The following TAFA1 variants were observed in gnomAD, a reference collection of about 807,000 sequenced individuals.
The protein encoded by TAFA1 is TAFA chemokine like family member 1, also known as chemokine-like protein TAFA-1.
TAFA1 carries 4 observed loss-of-function variants against 18.5 expected under a neutral mutation model. The ratio of observed to expected loss-of-function variants is 0.22; its 90% CI spans 0.11 to 0.49. The LOEUF (loss-of-function observed/expected upper bound fraction) is 0.49. Among genes scored for constraint, TAFA1 ranks in the 20% least tolerant of loss-of-function variants. TAFA1 has a pLI of 0.98. For missense variants in TAFA1, 147 were observed against 169.0 expected (o/e 0.87, Z 0.72); for synonymous variants, 56 against 55.2 (o/e 1.01, Z -0.06).
In TAFA1 at chr3:68,403,523, A is replaced by T. The variant is rs542600389; in HGVS notation, c.119-13757A>T. The stretch of plus-strand genomic sequence containing the variant: ...GTGCACTGTCCGATTTTTATGATCC[A>T]CAAGCTAAAAATGATCTTCACCTTT... On this transcript the variant is annotated intron_variant, in intron 2 of 4. Coordinates refer to ENST00000478136, the MANE Select transcript of TAFA1 (RefSeq NM_213609.4). Among the ~76,000 whole-genome samples, 3 of 152,358 alleles carry T rather than the reference A, an allele frequency of 2.0e-5. No homozygotes were observed. The South Asian group carries it at 6.2e-4, about 32-fold the overall frequency.
At chr3:68,542,768 T>C (rs2106797302) in intron 4 of TAFA1, among the ~76,000 whole-genome samples, 1 of 152,216 alleles carries the variant, frequency 6.6e-6, no homozygotes, top group South Asian at 2.1e-4. Context: ...CAAATGGTGG[T>C]TACATTCTTT....
intron 3 of TAFA1, among the ~76,000 whole-genome samples, chr3:68,504,114 T>C (rs1253259682): frequency 6.6e-6 from 1 of 152,170 alleles, no homozygotes; most frequent in Admixed American, 6.5e-5. Context: ...TTTAGTCTTA[T>C]TTATGTATAA....
intron 3 of TAFA1, among the ~76,000 whole-genome samples, chr3:68,505,002 A>C (rs1174442644): frequency 6.6e-6 from 1 of 152,048 alleles, no homozygotes; most frequent in Non-Finnish European, 1.5e-5. Context: ...TCTTGTTGCG[A>C]GTAGGGGTGA....
At chr3:68,178,052 G>A (rs572801824) in intron 2 of TAFA1, among the ~76,000 whole-genome samples, 1 of 152,100 alleles carries the variant, frequency 6.6e-6, no homozygotes, top group African/African-American at 2.4e-5. Flanking sequence ...GCTGAGGCAG[G>A]AGAATGGCGT....
At chr3:68,408,376 TTA>T (rs1183106943) in intron 2 of TAFA1, among the ~76,000 whole-genome samples, 1 of 152,180 alleles carries the variant, frequency 6.6e-6, no homozygotes, top group Non-Finnish European at 1.5e-5. Flanking sequence ...CCTTTGTAAG[TTA>T]TGACTCGATC....
intron 2 of TAFA1, among the ~76,000 whole-genome samples, chr3:68,075,239 C>A (rs1243221946): frequency 1.3e-5 from 2 of 152,202 alleles, no homozygotes; most frequent in African/African-American, 2.4e-5. Flanking sequence ...GTAAAATAAG[C>A]TGCCTTTTGC....
At chr3:68,267,628 A>G (rs767113480) in intron 2 of TAFA1, among the ~76,000 whole-genome samples, 5 of 152,048 alleles carry the variant, frequency 3.3e-5, no homozygotes, top group African/African-American at 1.2e-4. Flanking sequence ...ATATTTCTCT[A>G]CGTCTTGAAA....
At chr3:68,200,474 T>C (rs1027397819) in intron 2 of TAFA1, among the ~76,000 whole-genome samples, 5 of 151,632 alleles carry the variant, frequency 3.3e-5, no homozygotes, top group African/African-American at 1.2e-4. Flanking sequence ...GTGCTTTCTG[T>C]TAGGGAAGCT....
chr3:68,480,268 T>A (rs181863503), intron 3 of TAFA1, among the ~76,000 whole-genome samples: 60 of 151,072 alleles, frequency 4.0e-4, no homozygotes, highest in African/African-American at 1.4e-3. Flanking sequence ...CCAGGCATGT[T>A]GGCACTCACC....
At chr3:68,426,688 C>A (rs1237505725) in intron 3 of TAFA1, among the ~76,000 whole-genome samples, 1 of 151,780 alleles carries the variant, frequency 6.6e-6, no homozygotes, top group East Asian at 1.9e-4. Context: ...ATTAGTTAGC[C>A]ACTCTTCTCT....
chr3:68,161,332 A>G (rs978281255), intron 2 of TAFA1, among the ~76,000 whole-genome samples: 1 of 152,160 alleles, frequency 6.6e-6, no homozygotes, highest in Non-Finnish European at 1.5e-5. Flanking sequence ...CACTGGATTT[A>G]TGTTCTATTT....
chr3:68,186,032 A>G (rs1239889357), intron 2 of TAFA1, among the ~76,000 whole-genome samples: 1 of 152,152 alleles, frequency 6.6e-6, no homozygotes, highest in African/African-American at 2.4e-5. Flanking sequence ...GGAGGTGAGC[A>G]GTGTTAGGAG....
chr3:68,263,435 C>CCA (rs1273459888), intron 2 of TAFA1, among the ~76,000 whole-genome samples: 31 of 86,638 alleles, frequency 3.6e-4, no homozygotes, highest in African/African-American at 1.7e-3. Flanking sequence ...GATACTTTAA[C>CCA]CACACACACA....
At chr3:68,083,450 C>A (rs2064930085) in intron 2 of TAFA1, among the ~76,000 whole-genome samples, 1 of 152,174 alleles carries the variant, frequency 6.6e-6, no homozygotes, top group African/African-American at 2.4e-5. Flanking sequence ...TATGTGTGAA[C>A]ACTGAGATTA....
intron 2 of TAFA1, among the ~76,000 whole-genome samples, chr3:68,153,678 A>G (rs2065833186): frequency 6.6e-6 from 1 of 152,108 alleles, no homozygotes. Flanking sequence ...TTTCTGTCTG[A>G]TGAATCCATG....
chr3:68,499,337 A>C (rs916731283), intron 3 of TAFA1, among the ~76,000 whole-genome samples: 3 of 151,470 alleles, frequency 2.0e-5, no homozygotes, highest in African/African-American at 7.3e-5. Context: ...AAAATGGCAG[A>C]CTGAACCAAA....
At chr3:68,380,280 C>T (rs1201769965) in intron 2 of TAFA1, among the ~76,000 whole-genome samples, 13 of 152,234 alleles carry the variant, frequency 8.5e-5, no homozygotes, top group African/African-American at 1.4e-4. Context: ...TGGGTATATA[C>T]GCAGTAATGG....
At position 68,463,856 on chromosome 3, in the gene TAFA1, G is replaced by C. The variant is rs367625831; in HGVS notation, c.259+46436G>C. On this transcript the variant is annotated intron_variant, in intron 3 of 4. Coordinates refer to ENST00000478136, the MANE Select transcript of TAFA1 (RefSeq NM_213609.4). ...TTTACAGGCAATTACATAGCCTCCT[G>C]AACAGCCATCTTGAGTAAAATGGAG... Among the ~76,000 whole-genome samples, 71 of 152,174 alleles carry C rather than the reference G, an allele frequency of 4.7e-4. 1 individual carries two copies. The South Asian group carries it at 0.015, about 31-fold the overall frequency.
At chr3:68,442,930 A>G (rs2071410177) in intron 3 of TAFA1, among the ~76,000 whole-genome samples, 1 of 150,980 alleles carries the variant, frequency 6.6e-6, no homozygotes, top group African/African-American at 2.4e-5. Flanking sequence ...GCTTGATGCA[A>G]TAGATATTTA....
Sources: allele counts gnomAD v4.1 joint callset (sites outside exome capture counted in the v4.1 genomes callset), GRCh38; gene constraint gnomAD v4.1.1; transcripts MANE v1.5; gene names NCBI Gene and HGNC (gene_info 2026-07-23, HGNC 2026-07-21).